The following PRKCZ variants were observed in gnomAD, a reference collection of about 807,000 sequenced individuals.
PRKCZ encodes the protein protein kinase C zeta.
PRKCZ carries 33 observed loss-of-function variants against 79.5 expected under a neutral mutation model. The observed-to-expected ratio is 0.41, with a 90% CI of 0.31 to 0.55. PRKCZ has a LOEUF of 0.55. Ranked by LOEUF, PRKCZ falls within the 20% of genes least tolerant of loss-of-function variation. The pLI is 0.19. For synonymous variants in PRKCZ, 342 were observed against 320.9 expected (o/e 1.07, Z -0.70); for missense variants, 578 against 813.5 (o/e 0.71, Z 3.52).
At chr1:2,083,596 G>A (rs1663975134) in intron 4 of PRKCZ, among the ~76,000 whole-genome samples, 1 of 152,214 alleles carries the variant, frequency 6.6e-6, no homozygotes, top group African/African-American at 2.4e-5. Flanking sequence ...ACACGGTTGA[G>A]CCATCACACC....
Position 2,059,576 on chromosome 1 carries a change from T to G in PRKCZ, c.319T>G (p.Cys107Gly). Residue 107 changes from cysteine to glycine, a missense_variant, in exon 4 of 18, where the codon TGT (cysteine) becomes GGT (glycine). Around this residue, in one of 4 missense-constraint regions of PRKCZ, gnomAD observed 228 missense variants for 211.6 expected, o/e 1.08. Transcript: ENST00000378567. ...CACCCCTGAGCAGCCTGGCCTGCCATGTCCGGGAGAAGACAGTGAGTACTG... is the reference window on the plus strand; with the variant it reads ...CACCCCTGAGCAGCCTGGCCTGCCAGGTCCGGGAGAAGACAGTGAGTACTG... ...PSTPEQPGLP[C>G]PGEDKSIYRR... 2 of 1,614,206 alleles carry G rather than the reference T, an allele frequency of 1.2e-6. No homozygotes were observed. Among genetic ancestry groups the G allele is most frequent in the Non-Finnish European group, 1.7e-6 (2 of 1,180,006 alleles).
intron 4 of PRKCZ, among the ~76,000 whole-genome samples, chr1:2,110,948 C>T (rs1669627345): frequency 6.6e-6 from 1 of 152,074 alleles, no homozygotes; most frequent in African/African-American, 2.4e-5. Flanking sequence ...TGCACACGTC[C>T]CTGCGGCCTT....
intron 4 of PRKCZ, among the ~76,000 whole-genome samples, chr1:2,113,586 T>C (rs1377725449): frequency 1.3e-5 from 2 of 152,216 alleles, no homozygotes; most frequent in East Asian, 3.8e-4. Flanking sequence ...TCTCTTATCC[T>C]GACATCCTGG....
intron 4 of PRKCZ, among the ~76,000 whole-genome samples, chr1:2,065,344 C>T (rs866661358): frequency 2.0e-5 from 3 of 152,032 alleles, no homozygotes; most frequent in African/African-American, 7.2e-5. Context: ...TTTTTCTTGC[C>T]TAATTGTTCT....
At chr1:2,080,432 G>A (rs1193986718) in intron 4 of PRKCZ, among the ~76,000 whole-genome samples, 1 of 146,940 alleles carries the variant, frequency 6.8e-6, no homozygotes, top group Non-Finnish European at 1.5e-5. Flanking sequence ...GTTTTAAGGA[G>A]GGCAAAGGCC....
Position 2,168,418 on chromosome 1 carries a change from G to T in PRKCZ, c.975-1100G>T, listed in dbSNP as rs1318976114. Among the ~76,000 whole-genome samples, 3 of 152,158 alleles carry T rather than the reference G, an allele frequency of 2.0e-5. No homozygotes were observed. Among genetic ancestry groups the T allele is most frequent in the Non-Finnish European group, 4.4e-5 (3 of 68,036 alleles). ...AGCCTTCCCCAGCCGCTCCCCAAAGGCACGGCTTATTCTTCAGGGTGCCCG... is the reference window on the plus strand; with the variant it reads ...AGCCTTCCCCAGCCGCTCCCCAAAGTCACGGCTTATTCTTCAGGGTGCCCG... On this transcript the variant is annotated intron_variant, in intron 10 of 17. Transcript: ENST00000378567. This position sits in a 1 kb window ranked among gnomAD's most constrained non-coding sequence, Gnocchi z 4.7.
intron 4 of PRKCZ, among the ~76,000 whole-genome samples, chr1:2,085,360 G>C (rs1664305521): frequency 6.6e-6 from 1 of 152,250 alleles, no homozygotes; most frequent in Non-Finnish European, 1.5e-5. Context: ...CGGATCTTCA[G>C]AATGCGCCTC....
At chr1:2,150,641 A>G (rs1465218689) in intron 8 of PRKCZ, 149 bp from the exon 9 acceptor site, 11 of 738,936 alleles carry the variant, frequency 1.5e-5, no homozygotes, top group Non-Finnish European at 2.2e-6. Flanking sequence ...TGGGGGTGGG[A>G]TATGTGGGAC....
intron 16 of PRKCZ, 106 bp downstream of exon 16, chr1:2,175,419 A>AC: frequency 1.3e-6 from 1 of 744,354 alleles, no homozygotes; most frequent in Middle Eastern, 3.8e-4. Context: ...CCCCCACCCC[A>AC]CCCCATCCGA....
At chr1:2,096,166 C>T (rs942578481) in intron 4 of PRKCZ, among the ~76,000 whole-genome samples, 17 of 151,822 alleles carry the variant, frequency 1.1e-4, no homozygotes, top group African/African-American at 4.1e-4. Context: ...CGGGGCTGGT[C>T]CTCCCTGCGT....
In PRKCZ at chr1:2,150,874, A is replaced by T; in HGVS notation, c.772A>T (p.Ile258Phe). Residue 258 changes from isoleucine (I) to phenylalanine (F), a missense_variant, in exon 9 of 18, where the codon ATC becomes TTC. Physicochemically the swap from Ile to Phe is conservative, Grantham distance 21. Transcript: ENST00000378567. ...GCAGGACTTTGACCTAATCAGAGTCATCGGGCGCGGGAGCTACGCCAAGGT... is the reference window on the plus strand; with the variant it reads ...GCAGGACTTTGACCTAATCAGAGTCTTCGGGCGCGGGAGCTACGCCAAGGT... ...GLQDFDLIRV[I>F]GRGSYAKVLL... The T allele has an allele frequency of 6.2e-7, 1 of 1,614,208 alleles. No individual in the cohort carries two copies. Among genetic ancestry groups the T allele is most frequent in the Non-Finnish European group, 8.5e-7 (1 of 1,180,032 alleles).
rs1659537956 is a variant in PRKCZ at position 2,050,501 on chromosome 1, G to C, written c.-130G>C. The C allele has an allele frequency of 6.6e-6, 3 of 456,080 alleles. No homozygotes were observed. The highest frequency in any genetic ancestry group is 9.8e-6 in the Non-Finnish European group (3 of 305,476). 28.3% of individuals were successfully genotyped at this position (456,080 alleles called of 1,614,324 possible). On this transcript the variant is annotated 5_prime_UTR_variant, in exon 1 of 18. Transcript: ENST00000378567. ...CGCGCCGCCGGAGTTCCGCGGAGTTGACCGGGTCGGCGCCGTCGGTCCTGA... is the reference window on the plus strand; with the variant it reads ...CGCGCCGCCGGAGTTCCGCGGAGTTCACCGGGTCGGCGCCGTCGGTCCTGA...
At chr1:2,054,016 G>A (rs1659928565) in intron 1 of PRKCZ, among the ~76,000 whole-genome samples, 2 of 152,206 alleles carry the variant, frequency 1.3e-5, no homozygotes, top group Admixed American at 1.3e-4. Flanking sequence ...GGGTGACTGG[G>A]TGAGGCCTGT....
chr1:2,087,427 C>T (rs1036538113), intron 4 of PRKCZ, among the ~76,000 whole-genome samples: 6 of 152,114 alleles, frequency 3.9e-5, no homozygotes, highest in African/African-American at 7.2e-5. Flanking sequence ...TGAGGCGCCA[C>T]GGCTCACCGT....
At position 2,075,563 on chromosome 1, in the gene PRKCZ, G is replaced by C. The variant is rs556070399; in HGVS notation, c.334+15972G>C. 6.6e-6 allele frequency among the ~76,000 whole-genome samples: 1 copy of C among 152,174 alleles called. No individual in the cohort carries two copies. Among genetic ancestry groups the C allele is most frequent in the Admixed American group, 6.5e-5 (1 of 15,274 alleles). ...CATCAGTGGGGGCCCTTCTCCGACC[G>C]TCTTCCTAGACTTCAGAGCCACTGG... On this transcript the variant is annotated intron_variant, in intron 4 of 17. Coordinates refer to ENST00000378567, the MANE Select transcript of PRKCZ (RefSeq NM_002744.6). The surrounding 1 kb of genome is among the most constrained non-coding windows in gnomAD (Gnocchi z 4.8).
intron 16 of PRKCZ, among the ~76,000 whole-genome samples, chr1:2,176,906 C>T (rs1370119960): frequency 2.0e-5 from 3 of 152,222 alleles, no homozygotes; most frequent in Non-Finnish European, 4.4e-5. Context: ...AGGACGGGGC[C>T]ATTCTCTGTC....
intron 10 of PRKCZ, among the ~76,000 whole-genome samples, chr1:2,162,575 A>C (rs1204435590): frequency 6.6e-6 from 1 of 152,120 alleles, no homozygotes; most frequent in Non-Finnish European, 1.5e-5. Context: ...AGACTCTTGA[A>C]GTCTTCATGT....
chr1:2,084,809 C>G (rs1326683868), intron 4 of PRKCZ, among the ~76,000 whole-genome samples: 1 of 152,066 alleles, frequency 6.6e-6, no homozygotes, highest in African/African-American at 2.4e-5. Flanking sequence ...GTTTTCAAGA[C>G]CAGCCTGGGC....
At chr1:2,137,112 A>G (rs1020088874) in intron 5 of PRKCZ, among the ~76,000 whole-genome samples, 1 of 152,196 alleles carries the variant, frequency 6.6e-6, no homozygotes, top group African/African-American at 2.4e-5. Flanking sequence ...CCTCTGCCAG[A>G]GGCTCCAGAG....
Sources: gnomAD v4.1 joint callset for allele counts (sites outside exome capture counted in the v4.1 genomes callset) on GRCh38, gnomAD v4.1.1 for gene constraint, gnomAD v4.1.1 regional missense constraint, Gnocchi (gnomAD v3.1) non-coding constraint, MANE v1.5 for transcripts, NCBI Gene and HGNC (gene_info 2026-07-23, HGNC 2026-07-21) for gene names.